SOX5: variants seen among roughly 807,000 people sequenced by gnomAD.
SOX5 encodes SRY-box transcription factor 5.
Under a neutral mutation model 92.0 loss-of-function variants are expected in SOX5, and 9 were observed. The observed-to-expected ratio is 0.10, with a 90% CI of 0.06 to 0.17. The LOEUF (loss-of-function observed/expected upper bound fraction) is 0.17. SOX5 is among the 10% of genes least tolerant of loss of function. The pLI, the probability that SOX5 is intolerant of heterozygous loss-of-function variation, is 1.00. For missense variants in SOX5, 642 were observed against 944.5 expected, an observed-to-expected ratio of 0.68 and a Z score of 4.20; for synonymous variants, 344 against 336.3, an observed-to-expected ratio of 1.02 and a Z score of -0.25.
At chr12:24,324,475 C>T (rs778066189) in intron 2 of SOX5, among the ~76,000 whole-genome samples, 9 of 151,730 alleles carry the variant, frequency 5.9e-5, no homozygotes, top group Non-Finnish European at 1.3e-4. Context: ...TATATAGTTG[C>T]GACATTTATT....
At chr12:24,416,068 T>C (rs1964964595) in intron 1 of SOX5, among the ~76,000 whole-genome samples, 1 of 152,190 alleles carries the variant, frequency 6.6e-6, no homozygotes, top group African/African-American at 2.4e-5. Flanking sequence ...GGAGCTGCAG[T>C]GAGACAGTGG....
Position 23,556,687 on chromosome 12 carries a change from G to A in SOX5, c.1488+6571C>T, listed in dbSNP as rs565273931. ...CTTTTATAATTCACTTTAGCTAAAGGCAACATTTATAAAACCCATCCGTAA... is the reference window on the plus strand; with the variant it reads ...CTTTTATAATTCACTTTAGCTAAAGACAACATTTATAAAACCCATCCGTAA... On this transcript the variant is annotated intron_variant, in intron 11 of 14. Coordinates refer to ENST00000451604, the MANE Select transcript of SOX5 (RefSeq NM_006940.6). 3.3e-5 allele frequency among the ~76,000 whole-genome samples: 5 copies of A among 152,136 alleles called. No individual in the cohort carries two copies. In the South Asian group the frequency reaches 1.0e-3, roughly 32 times the overall value.
intron 2 of SOX5, among the ~76,000 whole-genome samples, chr12:23,866,217 A>G (rs2096811332): frequency 6.6e-6 from 1 of 152,210 alleles, no homozygotes; most frequent in Admixed American, 6.5e-5. Context: ...CTATACACAC[A>G]TATGCATATA....
chr12:24,083,926 C>G (rs1242988822), intron 4 of SOX5, among the ~76,000 whole-genome samples: 1 of 151,940 alleles, frequency 6.6e-6, no homozygotes, highest in African/African-American at 2.4e-5. Flanking sequence ...TTAAGTACAG[C>G]TGACTCGTGT....
At chr12:23,961,970 G>A (rs1946991329) in intron 4 of SOX5, among the ~76,000 whole-genome samples, 2 of 152,190 alleles carry the variant, frequency 1.3e-5, no homozygotes, top group East Asian at 3.8e-4. Flanking sequence ...ATTGACAACA[G>A]TGATGTTATT....
At chr12:24,395,968 T>C (rs575175233) in intron 1 of SOX5, among the ~76,000 whole-genome samples, 7 of 152,174 alleles carry the variant, frequency 4.6e-5, no homozygotes, top group Non-Finnish European at 1.0e-4. Flanking sequence ...CATGCTGCTA[T>C]GAGAAGGAGG....
chr12:23,812,808 T>C (rs1017645777), intron 3 of SOX5, among the ~76,000 whole-genome samples: 1 of 152,160 alleles, frequency 6.6e-6, no homozygotes, highest in Non-Finnish European at 1.5e-5. Context: ...AGGAACACAC[T>C]ATTCTCATAA....
At chr12:24,230,752 T>C (rs1963216956) in intron 3 of SOX5, 2 of 152,188 alleles carry the variant, frequency 1.3e-5, no homozygotes, top group African/African-American at 2.4e-5. Flanking sequence ...CTTAGATCAC[T>C]GTAAAATGCA....
intron 4 of SOX5, among the ~76,000 whole-genome samples, chr12:23,974,381 T>C (rs2140179191): frequency 6.6e-6 from 1 of 152,300 alleles, no homozygotes; most frequent in Non-Finnish European, 1.5e-5. Flanking sequence ...TTCATGTTTT[T>C]GTTGCACTTA....
chr12:23,970,840 A>ATTT, intron 4 of SOX5, among the ~76,000 whole-genome samples: 12 of 33,470 alleles, frequency 3.6e-4, no homozygotes, highest in African/African-American at 1.1e-3. Context: ...ATATATATAT[A>ATTT]ATTTTTTTTT....
chr12:24,518,057 T>G (rs1011668303), intron 1 of SOX5, among the ~76,000 whole-genome samples: 1 of 140,184 alleles, frequency 7.1e-6, no homozygotes, highest in Admixed American at 7.6e-5. Flanking sequence ...ATCAAAAATT[T>G]TATTAACACT....
intron 7 of SOX5, among the ~76,000 whole-genome samples, chr12:23,656,118 C>T (rs2082271817): frequency 1.3e-5 from 2 of 151,880 alleles, no homozygotes; most frequent in Admixed American, 1.3e-4. Flanking sequence ...AGATGACTTG[C>T]CCAAGGGCAC....
rs576079911 is a variant in SOX5, at chr12:24,356,481, C to T, written c.-174+12082G>A. On this transcript the variant is annotated intron_variant, in intron 2 of 4. Coordinates refer to the SOX5 transcript ENST00000446891. ...TTTCTCTCTTGGTGGCCATTAACTACACTGACAGTTTGACAGGCTGAAATA... is the reference window on the plus strand; with the variant it reads ...TTTCTCTCTTGGTGGCCATTAACTATACTGACAGTTTGACAGGCTGAAATA... 1.4e-3 allele frequency among the ~76,000 whole-genome samples: 210 copies of T among 152,276 alleles called. 1 individual carries two copies. The highest frequency in any genetic ancestry group is 3.9e-3 in the Admixed American group (60 of 15,292).
At chr12:24,473,523 A>G (rs1945029793) in intron 1 of SOX5, among the ~76,000 whole-genome samples, 2 of 152,238 alleles carry the variant, frequency 1.3e-5, no homozygotes, top group Admixed American at 1.3e-4. Flanking sequence ...TCCATTTGTG[A>G]AACTTCACTA....
At chr12:24,123,770 T>C (rs1410085818) in intron 4 of SOX5, among the ~76,000 whole-genome samples, 2 of 152,218 alleles carry the variant, frequency 1.3e-5, no homozygotes, top group African/African-American at 2.4e-5. Flanking sequence ...AGAGAAACAG[T>C]TACAATTGTG....
chr12:23,677,715 A>C (rs1018809039), intron 6 of SOX5, among the ~76,000 whole-genome samples: 1 of 152,116 alleles, frequency 6.6e-6, no homozygotes, highest in African/African-American at 2.4e-5. Flanking sequence ...CCAGTGAGTA[A>C]TTTCTATTTT....
chr12:23,959,604 A>G (rs1946667854), intron 4 of SOX5, among the ~76,000 whole-genome samples: 1 of 152,136 alleles, frequency 6.6e-6, no homozygotes, highest in Admixed American at 6.5e-5. Flanking sequence ...AAAGGCATCT[A>G]TAGAAATAAA....
chr12:23,910,345 T>G (rs2138361262), intron 1 of SOX5, among the ~76,000 whole-genome samples: 1 of 152,300 alleles, frequency 6.6e-6, no homozygotes, highest in East Asian at 1.9e-4. Flanking sequence ...TTCTGAAATT[T>G]GAAGGAAAGT....
intron 2 of SOX5, among the ~76,000 whole-genome samples, chr12:24,327,048 T>G (rs1464543043): frequency 6.6e-6 from 1 of 152,168 alleles, no homozygotes; most frequent in African/African-American, 2.4e-5. Flanking sequence ...ATGAATAAAT[T>G]TCACAATGGC....
Sources: gnomAD v4.1 joint callset for allele counts (sites outside exome capture counted in the v4.1 genomes callset) on GRCh38, gnomAD v4.1.1 for gene constraint, MANE v1.5 for transcripts, NCBI Gene and HGNC (gene_info 2026-07-23, HGNC 2026-07-21) for gene names.